EDEM1: variants seen among roughly 807,000 people sequenced by gnomAD.
EDEM1 encodes ER degradation enhancing alpha-mannosidase like protein 1.
EDEM1 carries 67 observed loss-of-function variants against 74.4 expected under a neutral mutation model. The observed-to-expected ratio is 0.90, with a 90% confidence interval of 0.74 to 1.10. EDEM1 has a LOEUF of 1.10. Among genes scored for constraint, EDEM1 ranks in the 50% least tolerant of loss-of-function variants. The pLI is 0.00. For synonymous variants in EDEM1, 382 were observed against 335.9 expected (o/e 1.14, Z -1.50); for missense variants, 926 against 851.6 (o/e 1.09, Z -1.09).
At chr3:5,195,650 T>C (rs1447645186) in intron 2 of EDEM1, among the ~76,000 whole-genome samples, 1 of 152,216 alleles carries the variant, frequency 6.6e-6, no homozygotes, top group East Asian at 1.9e-4. Flanking sequence ...GGTTGGCAGG[T>C]ACCCTGAAAT....
intron 5 of EDEM1, among the ~76,000 whole-genome samples, chr3:5,203,562 G>T (rs1020085945): frequency 4.6e-5 from 7 of 152,180 alleles, no homozygotes; most frequent in African/African-American, 1.7e-4. Flanking sequence ...GATTAAACCT[G>T]TGTGAGGTGG....
intron 1 of EDEM1, among the ~76,000 whole-genome samples, chr3:5,189,039 G>A (rs985004651): frequency 6.6e-6 from 1 of 152,178 alleles, no homozygotes; most frequent in Non-Finnish European, 1.5e-5. Context: ...GTGGTTGTCC[G>A]GGAAGGTCAG....
At position 5,188,222 on chromosome 3, in the gene EDEM1, C is replaced by T. The variant is rs560722496; in HGVS notation, c.417C>T (p.Val139=). 42 of 1,584,346 alleles carry T rather than the reference C, an allele frequency of 2.7e-5. No individual in the cohort carries two copies. The South Asian group carries it at 4.5e-4, about 17-fold the overall frequency. ...QMRDLARGMF[V]FGYDNYMAHA... ...GCGACCTGGCACGGGGCATGTTCGT[C>T]TTTGGCTACGACAACTACATGGCTC... Residue 139 remains valine (V), a synonymous_variant, in exon 1 of 12, where the codon GTC becomes GTT. Transcript: ENST00000256497.
chr3:5,213,343 C>G lies in EDEM1; in HGVS notation c.1705C>G (p.His569Asp). 6.2e-7 allele frequency: 1 copy of G among 1,613,812 alleles called. No homozygotes were observed. The highest frequency in any genetic ancestry group is 8.5e-7 in the Non-Finnish European group (1 of 1,179,878). The change falls in exon 11 of 12, where the codon CAC becomes GAC. Residue 569 changes from histidine (H) to aspartate (D), a missense_variant. By Grantham distance (81) the His-to-Asp change is moderately conservative. Transcript: ENST00000256497. ...GCTGTTTGATGAAGACAATCCAGTA[C>G]ACAAGTCTGGAACCAGATACATGTT... is the stretch of plus-strand genomic sequence containing the variant. ...YLLFDEDNPV[H>D]KSGTRYMFTT...
chr3:5,215,703 C>G (rs1011032869), intron 11 of EDEM1, 126 bp from the exon 12 acceptor site: 1 of 879,918 alleles, frequency 1.1e-6, no homozygotes, highest in East Asian at 2.6e-5. Flanking sequence ...CAGGCAGCTT[C>G]CACAACAGTT....
chr3:5,188,566 G>A, intron 1 of EDEM1: 1 of 391,306 alleles, frequency 2.6e-6, no homozygotes, highest in East Asian at 4.0e-5. Flanking sequence ...GTCCAGCTCA[G>A]TGTCTTACGC....
intron 11 of EDEM1, among the ~76,000 whole-genome samples, chr3:5,214,365 T>C (rs766782892): frequency 3.3e-5 from 5 of 152,226 alleles, no homozygotes; most frequent in Non-Finnish European, 5.9e-5. Context: ...TCGCCGACTG[T>C]GCTTCAGTGC....
intron 3 of EDEM1, among the ~76,000 whole-genome samples, chr3:5,201,148 G>A (rs191105933): frequency 2.6e-5 from 4 of 151,398 alleles, no homozygotes; most frequent in African/African-American, 9.7e-5. Flanking sequence ...TCTGAGAACA[G>A]TTAGTACACT....
Position 5,188,121 on chromosome 3 carries a change from G to A in EDEM1, c.316G>A (p.Gly106Ser). ...GPANWGYVLG[G>S]RGRGPDEYEK... ...AGCCAACTGGGGCTACGTGCTGGGC[G>A]GCCGGGGCCGCGGCCCGGACGAGTA... Residue 106 changes from glycine (G) to serine (S), a missense_variant, in exon 1 of 12, where the codon GGC (glycine) becomes AGC (serine). Transcript: ENST00000256497. 2 of 1,523,136 alleles carry A rather than the reference G, an allele frequency of 1.3e-6. No individual in the cohort carries two copies. The highest frequency in any genetic ancestry group is 2.5e-5 in the South Asian group (2 of 81,204). 94.4% of individuals were successfully genotyped at this position (1,523,136 alleles called of 1,614,324 possible).
rs1402636914 is a variant in EDEM1 at position 5,217,902 on chromosome 3, A to G, written c.*1984A>G. 1.3e-5 allele frequency: 2 copies of G among 152,148 alleles called. No homozygotes were observed. The highest frequency in any genetic ancestry group is 2.9e-5 in the Non-Finnish European group (2 of 68,034). 9.4% of individuals were successfully genotyped at this position (152,148 alleles called of 1,614,324 possible). A position where few individuals can be genotyped will look rare whatever the true frequency, so the allele number is the denominator to read the frequency against. ...TTTGGGAAAATAGAGCATCTCAGAG[A>G]AGGAGGTGAGTTCTTCCTGCCTGTG... On this transcript the variant is annotated 3_prime_UTR_variant, in exon 12 of 12. Transcript: ENST00000256497.
At chr3:5,205,266 G>C in intron 6 of EDEM1, 25 bp downstream of exon 6, 1 of 1,597,526 alleles carries the variant, frequency 6.3e-7, no homozygotes, top group South Asian at 1.1e-5. Flanking sequence ...CATCTCCTCT[G>C]TTGCCTTGTA....
chr3:5,215,791 T>TA, intron 11 of EDEM1, 38 bp from the exon 12 acceptor site: 1 of 1,557,678 alleles, frequency 6.4e-7, no homozygotes, highest in Non-Finnish European at 8.9e-7. Flanking sequence ...GAGAGCAACA[T>TA]ATGAGTTTTT....
intron 1 of EDEM1, among the ~76,000 whole-genome samples, chr3:5,188,895 A>G (rs2054865849): frequency 6.6e-6 from 1 of 152,184 alleles, no homozygotes; most frequent in Admixed American, 6.5e-5. Flanking sequence ...GAGGATAGTT[A>G]GGTGGTGGGG....
At chr3:5,196,461 G>GACACACACAC (rs34441448) in intron 2 of EDEM1, among the ~76,000 whole-genome samples, 3 of 148,686 alleles carry the variant, frequency 2.0e-5, no homozygotes, top group African/African-American at 7.4e-5. Flanking sequence ...CATCTCTGGA[G>GACACACACAC]ACACACACAC....
chr3:5,207,092 G>A (rs1575589883), intron 6 of EDEM1, 61 bp from the exon 7 acceptor site: 1 of 1,588,568 alleles, frequency 6.3e-7, no homozygotes, highest in Non-Finnish European at 8.6e-7. Context: ...AGCTGCTGGA[G>A]AGGTAGAGAT....
chr3:5,201,768 C>A lies in EDEM1; in HGVS notation c.702C>A (p.Leu234=). The A allele has an allele frequency of 6.2e-7, 1 of 1,614,180 alleles. No homozygotes were observed. The highest frequency in any genetic ancestry group is 8.5e-7 in the Non-Finnish European group (1 of 1,180,038). ...FEATIRVLGS[L]LSAHRIITDS... is the part of the protein sequence containing the mutation. The stretch of plus-strand genomic sequence containing the variant: ...CTGTCATTAGGGTCCTGGGAAGCCT[C>A]CTTTCTGCTCACAGAATAATAACTG... Residue 234 remains leucine, a synonymous_variant, in exon 4 of 12, where the codon CTC becomes CTA. Coordinates refer to ENST00000256497, the MANE Select transcript of EDEM1 (RefSeq NM_014674.3).
chr3:5,209,275 A>G (rs1437431308), intron 8 of EDEM1, among the ~76,000 whole-genome samples: 2 of 152,164 alleles, frequency 1.3e-5, no homozygotes, highest in African/African-American at 2.4e-5. Context: ...GGGAAAAGAT[A>G]ATAGCCACCT....
chr3:5,203,137 A>G lies in EDEM1; in HGVS notation c.1030A>G (p.Thr344Ala). Residue 344 changes from threonine to alanine, a missense_variant, in exon 5 of 12, where the codon ACA (threonine) becomes GCA (alanine). Physicochemically the swap from Thr to Ala is moderately conservative, Grantham distance 58 (BLOSUM62 0). Transcript: ENST00000256497. The part of the protein sequence containing the change: ...KALWNLRSND[T>A]GLLGNVVNIQ... ...CCTTTGGAACCTCCGGAGCAATGAT[A>G]CAGGATTACTAGGTGTGGCACCTTT... 1 of 1,584,644 alleles carries G rather than the reference A, an allele frequency of 6.3e-7. No homozygotes were observed. Among genetic ancestry groups the G allele is most frequent in the Non-Finnish European group, 8.6e-7 (1 of 1,166,826 alleles).
intron 2 of EDEM1, among the ~76,000 whole-genome samples, chr3:5,196,269 C>G (rs974537652): frequency 6.6e-6 from 1 of 152,110 alleles, no homozygotes; most frequent in African/African-American, 2.4e-5. Context: ...CCAGCCTGAC[C>G]AACATGGTGA....
Sources: allele counts gnomAD v4.1 joint callset (sites outside exome capture counted in the v4.1 genomes callset), GRCh38; gene constraint gnomAD v4.1.1; transcripts MANE v1.5; gene names NCBI Gene and HGNC (gene_info 2026-07-23, HGNC 2026-07-21).